Variants in MACROD2 observed in about 807,000 individuals in gnomAD.
MACROD2 encodes mono-ADP ribosylhydrolase 2.
In MACROD2, 36 loss-of-function variants were observed where a neutral mutation model predicts 70.4. That is an observed-to-expected ratio of 0.51 (90% CI 0.39 to 0.68). MACROD2 has a LOEUF of 0.68. MACROD2 is among the 30% of genes least tolerant of loss of function. The probability of loss-of-function intolerance (pLI) is 0.00; values close to 1 mark genes in which losing one functional copy is unlikely to be tolerated. For synonymous variants in MACROD2, 172 were observed against 178.8 expected (o/e 0.96, Z 0.30); for missense variants, 496 against 538.4 (o/e 0.92, Z 0.78).
intron 4 of MACROD2, among the ~76,000 whole-genome samples, chr20:14,528,064 C>T (rs1331180254): frequency 2.6e-5 from 4 of 151,736 alleles, no homozygotes; most frequent in Non-Finnish European, 5.9e-5. Context: ...TTATTTTAAT[C>T]TCAATATAAG....
chr20:15,727,364 A>C (rs1333771079), intron 8 of MACROD2, among the ~76,000 whole-genome samples: 4 of 152,232 alleles, frequency 2.6e-5, no homozygotes, highest in African/African-American at 7.2e-5. Context: ...CTTTTACATC[A>C]AGTAATGTGA....
At chr20:15,253,602 C>T (rs1054577526) in intron 6 of MACROD2, among the ~76,000 whole-genome samples, 2 of 152,136 alleles carry the variant, frequency 1.3e-5, no homozygotes, top group Non-Finnish European at 1.5e-5. Flanking sequence ...ACCACCTGCA[C>T]CATCCATACC....
At chr20:16,001,434 A>G (rs1026486178) in intron 15 of MACROD2, among the ~76,000 whole-genome samples, 2 of 152,218 alleles carry the variant, frequency 1.3e-5, no homozygotes, top group Non-Finnish European at 2.9e-5. Flanking sequence ...ATTGTATGTG[A>G]TTGCTTTATT....
At chr20:15,678,709 A>G (rs1367657259) in intron 8 of MACROD2, among the ~76,000 whole-genome samples, 2 of 152,172 alleles carry the variant, frequency 1.3e-5, no homozygotes, top group African/African-American at 2.4e-5. Flanking sequence ...ACCTTTCATG[A>G]TTATCAGGGC....
At chr20:14,917,516 C>T (rs2074106962) in intron 5 of MACROD2, among the ~76,000 whole-genome samples, 1 of 152,000 alleles carries the variant, frequency 6.6e-6, no homozygotes, top group Non-Finnish European at 1.5e-5. Flanking sequence ...GGAACTCCCT[C>T]CACCTGTCTA....
At chr20:15,859,386 C>T (rs375360741) in intron 8 of MACROD2, among the ~76,000 whole-genome samples, 2 of 152,228 alleles carry the variant, frequency 1.3e-5, no homozygotes, top group South Asian at 2.1e-4. Flanking sequence ...AACTGTAGAT[C>T]CCATTTCCCA....
At chr20:15,607,960 T>C (rs2048917087) in intron 8 of MACROD2, among the ~76,000 whole-genome samples, 1 of 152,192 alleles carries the variant, frequency 6.6e-6, no homozygotes. Flanking sequence ...TCATCTGAGT[T>C]GGGAAAAAAA....
At chr20:14,849,723 G>A (rs972298515) in intron 5 of MACROD2, among the ~76,000 whole-genome samples, 2 of 152,184 alleles carry the variant, frequency 1.3e-5, no homozygotes, top group African/African-American at 4.8e-5. Flanking sequence ...GGAGGTTGCA[G>A]TGAACTGAGA....
intron 10 of MACROD2, among the ~76,000 whole-genome samples, chr20:15,899,347 T>C (rs990061716): frequency 6.6e-6 from 1 of 152,114 alleles, no homozygotes; most frequent in African/African-American, 2.4e-5. Context: ...TCTATACACA[T>C]ACATACATTT....
intron 15 of MACROD2, among the ~76,000 whole-genome samples, chr20:15,988,004 A>G (rs987500978): frequency 1.3e-5 from 2 of 152,176 alleles, no homozygotes; most frequent in Non-Finnish European, 2.9e-5. Flanking sequence ...TTTTGTTTCC[A>G]AATTAAAACT....
intron 10 of MACROD2, among the ~76,000 whole-genome samples, chr20:15,901,260 A>G (rs2065059694): frequency 6.6e-6 from 1 of 151,998 alleles, no homozygotes; most frequent in African/African-American, 2.4e-5. Flanking sequence ...CCTGATCTCT[A>G]TTCCCCTTAT....
chr20:15,761,649 AG>A (rs1211380212), intron 8 of MACROD2, among the ~76,000 whole-genome samples: 1 of 152,224 alleles, frequency 6.6e-6, no homozygotes, highest in Admixed American at 6.5e-5. Context: ...ATGAGGAGAC[AG>A]GGTTGGGGCT....
At chr20:15,750,946 G>A (rs1042854403) in intron 8 of MACROD2, among the ~76,000 whole-genome samples, 12 of 151,896 alleles carry the variant, frequency 7.9e-5, no homozygotes, top group African/African-American at 2.9e-4. Context: ...TTGTTTGTTT[G>A]TTTTATCACA....
intron 3 of MACROD2, among the ~76,000 whole-genome samples, chr20:14,483,477 G>A (rs1469406686): frequency 6.6e-6 from 1 of 151,964 alleles, no homozygotes; most frequent in African/African-American, 2.4e-5. Flanking sequence ...GGCGATCTTG[G>A]CTCACCGCAA....
At chr20:15,856,649 T>A (rs556698414) in intron 8 of MACROD2, among the ~76,000 whole-genome samples, 1 of 152,314 alleles carries the variant, frequency 6.6e-6, no homozygotes, top group South Asian at 2.1e-4. Context: ...TATGCACTGG[T>A]GATGCAAAGA....
At chr20:14,931,952 T>C (rs1473344277) in intron 5 of MACROD2, among the ~76,000 whole-genome samples, 2 of 149,206 alleles carry the variant, frequency 1.3e-5, no homozygotes, top group Non-Finnish European at 3.0e-5. Context: ...CAGTGAGCTA[T>C]GAATGTACCA....
At chr20:14,655,537 G>C (rs1985928081) in intron 4 of MACROD2, among the ~76,000 whole-genome samples, 1 of 152,050 alleles carries the variant, frequency 6.6e-6, no homozygotes, top group African/African-American at 2.4e-5. Context: ...CTTCTCAAAT[G>C]TCTCTCTTTA....
intron 17 of MACROD2, among the ~76,000 whole-genome samples, chr20:16,044,892 A>G (rs947946958): frequency 6.6e-6 from 1 of 152,164 alleles, no homozygotes; most frequent in African/African-American, 2.4e-5. Flanking sequence ...TGCTTTGACA[A>G]GTAAAAAATG....
intron 12 of MACROD2, among the ~76,000 whole-genome samples, chr20:15,962,224 C>T (rs1010407742): frequency 9.2e-5 from 14 of 152,088 alleles, no homozygotes; most frequent in Admixed American, 3.3e-4. Context: ...CTCAGGTAGG[C>T]GGATGATGAA....
Sources: gnomAD v4.1 joint callset for allele counts (sites outside exome capture counted in the v4.1 genomes callset) on GRCh38, gnomAD v4.1.1 for gene constraint, MANE v1.5 for transcripts, NCBI Gene and HGNC (gene_info 2026-07-23, HGNC 2026-07-21) for gene names.